The following PHF21A variants were observed in gnomAD, a reference collection of about 807,000 sequenced individuals.
The protein encoded by PHF21A is BHC80a.
A neutral mutation model predicts 82.5 loss-of-function variants in PHF21A; 11 were observed. The ratio of observed to expected loss-of-function variants is 0.13; its 90% CI spans 0.08 to 0.22. The LOEUF is 0.22. PHF21A is among the 10% of genes least tolerant of loss of function. PHF21A has a pLI of 1.00. For missense variants in PHF21A, 579 were observed against 837.8 expected (o/e 0.69, Z 3.81); for synonymous variants, 297 against 302.8 (o/e 0.98, Z 0.20).
At chr11:46,116,391 T>C (rs962808713) in intron 1 of PHF21A, among the ~76,000 whole-genome samples, 12 of 152,296 alleles carry the variant, frequency 7.9e-5, no homozygotes, top group African/African-American at 2.4e-4. Flanking sequence ...AGTCAAAACA[T>C]TCAAAACTTG....
intron 6 of PHF21A, among the ~76,000 whole-genome samples, chr11:46,076,480 G>A (rs535274992): frequency 6.6e-6 from 1 of 152,252 alleles, no homozygotes; most frequent in African/African-American, 2.4e-5. Context: ...TCCCCTATAG[G>A]TAAACTATAG....
At chr11:46,100,974 G>A (rs923406403) in intron 1 of PHF21A, among the ~76,000 whole-genome samples, 2 of 152,120 alleles carry the variant, frequency 1.3e-5, no homozygotes, top group African/African-American at 4.8e-5. Context: ...ACACACATTT[G>A]GGTTAAATAG....
At chr11:46,089,368 C>A (rs950639254) in intron 3 of PHF21A, among the ~76,000 whole-genome samples, 2 of 151,942 alleles carry the variant, frequency 1.3e-5, no homozygotes, top group East Asian at 1.9e-4. Context: ...TAATAAAATT[C>A]TTTTAATACT....
intron 9 of PHF21A, among the ~76,000 whole-genome samples, chr11:45,966,705 C>T (rs568224306): frequency 1.6e-4 from 24 of 152,216 alleles, no homozygotes; most frequent in South Asian, 1.0e-3. Context: ...CAGCAGCCTC[C>T]GCCTCCCAGG....
chr11:46,030,830 CGTGTGTGT>C lies in PHF21A; in HGVS notation c.153+45916_153+45923del, dbSNP rs71038879. Among the ~76,000 whole-genome samples the C allele has an allele frequency of 7.0e-3, 993 of 142,300 alleles. 12 individuals carry two copies. Among genetic ancestry groups the C allele is most frequent in the African/African-American group, 0.02 (765 of 38,522 alleles). 93.4% of individuals were successfully genotyped at this position (142,300 alleles called of 152,430 possible). A position where few individuals can be genotyped will look rare whatever the true frequency, so the allele number is the denominator to read the frequency against. On this transcript the variant is annotated intron_variant, in intron 6 of 18. Transcript: ENST00000676320. ...TAGTGTGTGTGTGTGCGTGTGTGTG[CGTGTGTGT>C]GTGTGTGTGTGTGTGTGTGTGTGTG... is the stretch of plus-strand genomic sequence containing the variant.
rs2096828746 is a variant in PHF21A at position 46,084,226 on chromosome 11, C to T, written c.-7G>A. On this transcript the variant is annotated 5_prime_UTR_variant, in exon 4 of 19. Transcript: ENST00000676320. ...GTAGAGTCTGCAACTCCATCCTCTA[C>T]CTTCTCCACTTTCTCTGCTAATTCT... 2 of 1,595,182 alleles carry T rather than the reference C, an allele frequency of 1.3e-6. No homozygotes were observed. Among genetic ancestry groups the T allele is most frequent in the Non-Finnish European group, 8.5e-7 (1 of 1,173,794 alleles).
chr11:46,017,577 A>AG (rs753454505), intron 6 of PHF21A, among the ~76,000 whole-genome samples: 1 of 151,378 alleles, frequency 6.6e-6, no homozygotes, highest in Non-Finnish European at 1.5e-5. Flanking sequence ...TTTGCCCTTA[A>AG]GGGGGAAAAA....
chr11:45,971,395 GA>G, intron 7 of PHF21A, 28 bp from the exon 8 acceptor site: 2 of 1,595,196 alleles, frequency 1.3e-6, no homozygotes, highest in South Asian at 2.2e-5. Context: ...CAGATATTAG[GA>G]CACTAAATCT....
chr11:45,972,504 G>A (rs971771983), intron 7 of PHF21A, among the ~76,000 whole-genome samples: 2 of 152,212 alleles, frequency 1.3e-5, no homozygotes, highest in Non-Finnish European at 2.9e-5. Context: ...TTGGCCAGGC[G>A]CAGTGGCTCA....
At chr11:45,934,325 A>C (rs571882152) in intron 18 of PHF21A, 100 bp from the exon 19 acceptor site, 146 of 1,214,990 alleles carry the variant, frequency 1.2e-4, no homozygotes, top group African/African-American at 3.3e-4. Context: ...CAGGGAGAAG[A>C]AGCTCTGCTG....
chr11:45,986,725 G>GA (rs957242304), intron 6 of PHF21A, among the ~76,000 whole-genome samples: 11 of 151,650 alleles, frequency 7.3e-5, no homozygotes, highest in Admixed American at 1.3e-4. Context: ...GGGGCAATGT[G>GA]AAAAAAAGGG....
intron 6 of PHF21A, among the ~76,000 whole-genome samples, chr11:46,058,348 C>T (rs2902550): frequency 0.9 from 137,269 of 152,218 alleles, 62,060 homozygotes; most frequent in East Asian, 1. Context: ...TAAAACGAAA[C>T]CTGATTAAGA....
In PHF21A at chr11:46,004,964, A is replaced by G. The variant is rs565094988; in HGVS notation, c.154-24998T>C. On this transcript the variant is annotated intron_variant, in intron 6 of 18. Transcript: ENST00000676320. ...AACAAAGTTTACTTTTTCCCTTTACAATAATATTTGTCTCTTACTGCAAAT... is the reference window on the plus strand; with the variant it reads ...AACAAAGTTTACTTTTTCCCTTTACGATAATATTTGTCTCTTACTGCAAAT... Among the ~76,000 whole-genome samples, 8 of 152,304 alleles carry G rather than the reference A, an allele frequency of 5.3e-5. No homozygotes were observed. The East Asian group carries it at 1.5e-3, about 29-fold the overall frequency.
intron 7 of PHF21A, among the ~76,000 whole-genome samples, chr11:45,974,418 AATTATTATTATTATT>A (rs59807950): frequency 1.4e-4 from 21 of 147,324 alleles, no homozygotes; most frequent in African/African-American, 4.2e-4. Context: ...TCAAACGACA[AATTATTATTATTATT>A]ATTATTATTA....
intron 6 of PHF21A, among the ~76,000 whole-genome samples, chr11:46,073,814 C>T (rs1176213708): frequency 2.6e-5 from 4 of 152,164 alleles, no homozygotes; most frequent in African/African-American, 9.7e-5. Flanking sequence ...TGAGTTAAAA[C>T]TGTCAGCCAC....
At chr11:45,973,199 C>T (rs1356375877) in intron 7 of PHF21A, among the ~76,000 whole-genome samples, 2 of 152,340 alleles carry the variant, frequency 1.3e-5, no homozygotes, top group Non-Finnish European at 2.9e-5. Context: ...TGTCAAAAGT[C>T]GCATGTGGTT....
chr11:46,022,653 G>A (rs1457124742), intron 6 of PHF21A, among the ~76,000 whole-genome samples: 1 of 152,112 alleles, frequency 6.6e-6, no homozygotes, highest in African/African-American at 2.4e-5. Context: ...TTAGAGACAA[G>A]GTCTCACTAT....
Position 45,935,618 on chromosome 11 carries a change from G to A in PHF21A, c.1788+18C>T. 1 of 1,133,412 alleles carries A rather than the reference G, an allele frequency of 8.8e-7. No homozygotes were observed. Among genetic ancestry groups the A allele is most frequent in the Non-Finnish European group, 1.3e-6 (1 of 741,946 alleles). 70.2% of individuals were successfully genotyped at this position (1,133,412 alleles called of 1,614,324 possible). A position where few individuals can be genotyped will look rare whatever the true frequency, so the allele number is the denominator to read the frequency against. On this transcript the variant is annotated intron_variant, in intron 18 of 18. Coordinates refer to ENST00000676320, the MANE Select transcript of PHF21A (RefSeq NM_001352027.3). ...CTGCACCTATGTATCGACTGCTGAA[G>A]GCATGAGGTTTACTTACACTTATGG...
chr11:46,100,621 A>G (rs569156248), intron 1 of PHF21A, among the ~76,000 whole-genome samples: 2 of 152,350 alleles, frequency 1.3e-5, no homozygotes, highest in East Asian at 1.9e-4. Context: ...AAATAACATC[A>G]TAACATTAAA....
Sources: allele counts gnomAD v4.1 joint callset (sites outside exome capture counted in the v4.1 genomes callset), GRCh38; gene constraint gnomAD v4.1.1; transcripts MANE v1.5; gene names NCBI Gene and HGNC (gene_info 2026-07-23, HGNC 2026-07-21).